The following TSNARE1 variants were observed in gnomAD, a reference collection of about 807,000 sequenced individuals.
TSNARE1 encodes t-SNARE domain containing 1.
In TSNARE1, 49 loss-of-function variants were observed where a neutral mutation model predicts 62.0. The ratio of observed to expected loss-of-function variants is 0.79; its 90% CI spans 0.63 to 1.00. The LOEUF is 1.00. TSNARE1 is among the 50% of genes least tolerant of loss of function. The pLI, the probability that TSNARE1 is intolerant of heterozygous loss-of-function variation, is 0.00. For synonymous variants in TSNARE1, 328 were observed against 294.4 expected, an observed-to-expected ratio of 1.11 and a Z score of -1.17; for missense variants, 755 against 700.1, an observed-to-expected ratio of 1.08 and a Z score of -0.88.
intron 13 of TSNARE1, among the ~76,000 whole-genome samples, chr8:142,212,617 C>T (rs1056412804): frequency 2.0e-5 from 3 of 152,054 alleles, no homozygotes; most frequent in Admixed American, 1.3e-4. Flanking sequence ...GCCCAGGCTG[C>T]GGACTCCTGC....
At chr8:142,303,462 G>T (rs902095470) in intron 9 of TSNARE1, among the ~76,000 whole-genome samples, 2 of 152,210 alleles carry the variant, frequency 1.3e-5, no homozygotes, top group African/African-American at 4.8e-5. Flanking sequence ...ACTGCGCCTT[G>T]GCCGCTGGAA....
At chr8:142,299,721 C>A (rs1825390546) in intron 10 of TSNARE1, among the ~76,000 whole-genome samples, 1 of 152,094 alleles carries the variant, frequency 6.6e-6, no homozygotes, top group South Asian at 2.1e-4. Flanking sequence ...CGCACGCACT[C>A]ACATGCACGC....
At chr8:142,385,560 CAA>C (rs773488862) in intron 1 of TSNARE1, among the ~76,000 whole-genome samples, 138 of 152,108 alleles carry the variant, frequency 9.1e-4, no homozygotes, top group Non-Finnish European at 1.4e-3. Flanking sequence ...GGGAATACGA[CAA>C]GAGGGAGTGA....
intron 6 of TSNARE1, among the ~76,000 whole-genome samples, chr8:142,320,979 T>C (rs1829403783): frequency 6.6e-6 from 1 of 152,196 alleles, no homozygotes; most frequent in South Asian, 2.1e-4. Flanking sequence ...TCTCGTCTCA[T>C]TTGTGCCTCC....
chr8:142,253,421 G>A (rs930259513), intron 12 of TSNARE1, among the ~76,000 whole-genome samples: 12 of 152,088 alleles, frequency 7.9e-5, no homozygotes, highest in South Asian at 4.1e-4. Context: ...AGTCACCCCC[G>A]AGTCACCACC....
chr8:142,284,269 C>A, intron 11 of TSNARE1, 144 bp downstream of exon 11: 1 of 646,946 alleles, frequency 1.5e-6, no homozygotes, highest in Non-Finnish European at 2.7e-6. Flanking sequence ...GGGGAGGGAG[C>A]AGATGCTCAG....
intron 13 of TSNARE1, among the ~76,000 whole-genome samples, chr8:142,223,580 C>T (rs375144712): frequency 0.018 from 33 of 1,806 alleles, 15 homozygotes; most frequent in Middle Eastern, 0.17. Flanking sequence ...ACTAACTCAT[C>T]CACTCACTCA....
intron 1 of TSNARE1, among the ~76,000 whole-genome samples, chr8:142,382,875 C>T (rs1313033252): frequency 1.3e-5 from 2 of 152,234 alleles, no homozygotes; most frequent in East Asian, 1.9e-4. Context: ...GGAGTGGGCC[C>T]GGCCCTCGTC....
At chr8:142,224,446 G>A (rs1233767407) in intron 13 of TSNARE1, among the ~76,000 whole-genome samples, 6 of 152,048 alleles carry the variant, frequency 3.9e-5, no homozygotes, top group African/African-American at 1.5e-4. Flanking sequence ...ACCACAGGCT[G>A]GGCCCTGCCC....
intron 12 of TSNARE1, among the ~76,000 whole-genome samples, chr8:142,255,887 C>T (rs1291576827): frequency 2.9e-5 from 2 of 68,762 alleles, no homozygotes; most frequent in African/African-American, 4.9e-5. Flanking sequence ...ACCATCACCA[C>T]CACCACCACC....
chr8:142,321,729 G>A (rs1173432585), intron 6 of TSNARE1, among the ~76,000 whole-genome samples: 1 of 152,110 alleles, frequency 6.6e-6, no homozygotes, highest in Non-Finnish European at 1.5e-5. Context: ...TTCCTTAAAA[G>A]ACATGAATTA....
intron 6 of TSNARE1, among the ~76,000 whole-genome samples, chr8:142,326,691 G>T (rs1830331519): frequency 6.6e-6 from 1 of 152,208 alleles, no homozygotes; most frequent in African/African-American, 2.4e-5. Context: ...CGAGACGGAT[G>T]AGGAACCAGC....
chr8:142,387,958 A>G (rs1262010760), intron 1 of TSNARE1, among the ~76,000 whole-genome samples: 1 of 152,188 alleles, frequency 6.6e-6, no homozygotes, highest in African/African-American at 2.4e-5. Flanking sequence ...CATACAAAAG[A>G]AAACTACAGA....
At position 142,280,206 on chromosome 8, in the gene TSNARE1, G is replaced by A. The variant is rs944343944; in HGVS notation, c.1363+4207C>T. Reference sequence around the variant, plus strand: ...TGAAGTTGGGCTTGCGTGTCTTGGTGCGGGAGTGGGGGCCCGGCCGCAGGG... The same window carrying A: ...TGAAGTTGGGCTTGCGTGTCTTGGTACGGGAGTGGGGGCCCGGCCGCAGGG... On this transcript the variant is annotated intron_variant, in intron 11 of 13. Transcript: ENST00000524325. The A allele has an allele frequency of 8.1e-6, 8 of 985,284 alleles. No homozygotes were observed. In the African/African-American group the frequency reaches 1.4e-4, roughly 17 times the overall value. The allele number at this position is 985,284 out of a possible 1,614,324, so 61.0% of individuals were successfully genotyped here.
intron 4 of TSNARE1, among the ~76,000 whole-genome samples, chr8:142,332,721 C>G (rs1445727573): frequency 1.3e-5 from 2 of 152,142 alleles, no homozygotes; most frequent in Admixed American, 1.3e-4. Flanking sequence ...TCTGTCCACC[C>G]CTCAGTCAGC....
At chr8:142,243,259 C>T (rs1413935306) in intron 12 of TSNARE1, among the ~76,000 whole-genome samples, 4 of 152,104 alleles carry the variant, frequency 2.6e-5, no homozygotes, top group African/African-American at 7.2e-5. Context: ...GGTATACATC[C>T]GAAGGAAATG....
chr8:142,393,402 G>A (rs912626692), intron 1 of TSNARE1, among the ~76,000 whole-genome samples: 1 of 152,236 alleles, frequency 6.6e-6, no homozygotes, highest in South Asian at 2.1e-4. Context: ...GAGTGATGAC[G>A]GAAACCTCTG....
intron 1 of TSNARE1, among the ~76,000 whole-genome samples, chr8:142,380,077 C>T (rs1349769931): frequency 6.6e-6 from 1 of 152,176 alleles, no homozygotes; most frequent in Admixed American, 6.5e-5. Flanking sequence ...ACAACAACAA[C>T]AATAAGAGTG....
At chr8:142,339,421 G>A (rs989111460) in intron 4 of TSNARE1, among the ~76,000 whole-genome samples, 2 of 152,106 alleles carry the variant, frequency 1.3e-5, no homozygotes, top group South Asian at 4.1e-4. Flanking sequence ...CTATACCGTG[G>A]ATGAGGCAGG....
Sources: allele counts gnomAD v4.1 joint callset (sites outside exome capture counted in the v4.1 genomes callset), GRCh38; gene constraint gnomAD v4.1.1; transcripts MANE v1.5; gene names NCBI Gene and HGNC (gene_info 2026-07-23, HGNC 2026-07-21).